DPY19L3: variants seen among roughly 807,000 people sequenced by gnomAD.
The protein encoded by DPY19L3 is dpy-19 like C-mannosyltransferase 3.
In DPY19L3, 51 loss-of-function variants were observed where a neutral mutation model predicts 92.3. The observed-to-expected ratio is 0.55, with a 90% CI of 0.44 to 0.70. The LOEUF (loss-of-function observed/expected upper bound fraction) is 0.70, where lower values mean the gene tolerates loss of function less well. Ranked by LOEUF, DPY19L3 falls within the 30% of genes least tolerant of loss-of-function variation. The pLI is 0.00. For missense variants in DPY19L3, 706 were observed against 855.9 expected (o/e 0.82, Z 2.18); for synonymous variants, 309 against 315.2 (o/e 0.98, Z 0.21).
Position 32,411,331 on chromosome 19 carries a change from GC to G in DPY19L3, c.198del (p.Thr67ArgfsTer48), listed in dbSNP as rs1968173785. 1 of 1,613,902 alleles carries G rather than the reference GC, an allele frequency of 6.2e-7. No individual in the cohort carries two copies. ...CIGLLTSVYLATLHENDLWFS... is the reference protein window; with the variant it reads ...CIGLLTSVYLXTLHENDLWFS... ...TGGACTTCTTACATCTGTCTACCTTGCCACGTTACATGAAAATGATTTATGG... is the reference window on the plus strand; with the variant it reads ...TGGACTTCTTACATCTGTCTACCTTGCACGTTACATGAAAATGATTTATGG... On this transcript the variant is annotated frameshift_variant, in exon 3 of 19. Coordinates refer to ENST00000392250, the MANE Select transcript of DPY19L3 (RefSeq NM_001172774.2). LOFTEE classifies it high-confidence loss of function.
chr19:32,420,041 G>A (rs1968515947), intron 3 of DPY19L3, among the ~76,000 whole-genome samples: 1 of 151,616 alleles, frequency 6.6e-6, no homozygotes, highest in African/African-American at 2.4e-5. Flanking sequence ...TGTATTTTTA[G>A]TGGAGACGGG....
intron 3 of DPY19L3, among the ~76,000 whole-genome samples, chr19:32,413,992 G>A (rs567904659): frequency 6.6e-6 from 1 of 152,112 alleles, no homozygotes; most frequent in African/African-American, 2.4e-5. Flanking sequence ...CCAAAATATT[G>A]GGATTATAGG....
At chr19:32,416,961 C>G (rs1383858175) in intron 3 of DPY19L3, among the ~76,000 whole-genome samples, 1 of 152,228 alleles carries the variant, frequency 6.6e-6, no homozygotes, top group Non-Finnish European at 1.5e-5. Flanking sequence ...CAGCCCCAAT[C>G]CTGAGTCATC....
intron 8 of DPY19L3, among the ~76,000 whole-genome samples, chr19:32,445,450 A>AAAAAAAAAAAAAAAAAC: frequency 6.7e-6 from 1 of 148,898 alleles, no homozygotes; most frequent in Non-Finnish European, 1.5e-5. Context: ...CAAAAAAAAA[A>AAAAAAAAAAAAAAAAAC]AAAAAAAAAA....
chr19:32,458,263 T>G (rs1318503727), intron 11 of DPY19L3, 88 bp from the exon 12 acceptor site: 1 of 1,577,518 alleles, frequency 6.3e-7, no homozygotes, highest in Non-Finnish European at 8.6e-7. Flanking sequence ...CTTCAACTAT[T>G]AATTGCAGAC....
At chr19:32,451,355 C>CT (rs1398531030) in intron 8 of DPY19L3, among the ~76,000 whole-genome samples, 1 of 152,114 alleles carries the variant, frequency 6.6e-6, no homozygotes, top group Non-Finnish European at 1.5e-5. Context: ...AAGAGCCCAC[C>CT]TATTGATTGC....
chr19:32,446,780 G>A (rs949107257), intron 8 of DPY19L3, among the ~76,000 whole-genome samples: 54 of 152,182 alleles, frequency 3.5e-4, no homozygotes, highest in African/African-American at 1.3e-3. Flanking sequence ...TGAGACTTCA[G>A]CACATCTCTC....
At chr19:32,441,794 A>C (rs981339807) in intron 8 of DPY19L3, among the ~76,000 whole-genome samples, 2 of 152,254 alleles carry the variant, frequency 1.3e-5, no homozygotes, top group Admixed American at 6.5e-5. Flanking sequence ...CACTGTGCCC[A>C]TCTGAACATG....
chr19:32,469,949 A>T (rs188071505), intron 16 of DPY19L3, among the ~76,000 whole-genome samples: 1 of 152,194 alleles, frequency 6.6e-6, no homozygotes, highest in African/African-American at 2.4e-5. Flanking sequence ...TTCTGAAAGC[A>T]TTGGCTGGAT....
chr19:32,469,492 T>C (rs1465065899), intron 16 of DPY19L3, among the ~76,000 whole-genome samples: 1 of 146,732 alleles, frequency 6.8e-6, no homozygotes, highest in African/African-American at 2.5e-5. Context: ...CAAGACTCTC[T>C]CTAAAAAAAA....
intron 6 of DPY19L3, among the ~76,000 whole-genome samples, chr19:32,438,571 A>G (rs1432268369): frequency 6.6e-6 from 1 of 152,292 alleles, no homozygotes; most frequent in Non-Finnish European, 1.5e-5. Flanking sequence ...ACACACGTAT[A>G]TTATGTGTTA....
chr19:32,462,696 C>T (rs1478039976), intron 12 of DPY19L3, among the ~76,000 whole-genome samples: 2 of 151,930 alleles, frequency 1.3e-5, no homozygotes, highest in African/African-American at 4.8e-5. Flanking sequence ...TTTTATAGAT[C>T]AAAAGATATT....
At chr19:32,439,360 CTT>C (rs1969252001) in intron 7 of DPY19L3, 125 bp downstream of exon 7, 9 of 1,036,300 alleles carry the variant, frequency 8.7e-6, no homozygotes, top group Non-Finnish European at 1.2e-5. Context: ...AATTTTTAAA[CTT>C]GAGTTAAATT....
chr19:32,449,029 C>G (rs1422467302), intron 8 of DPY19L3, among the ~76,000 whole-genome samples: 1 of 152,006 alleles, frequency 6.6e-6, no homozygotes, highest in East Asian at 1.9e-4. Context: ...CAAAAAACAC[C>G]CACAAATAAA....
rs1203237778 is a variant in DPY19L3 at position 32,411,376 on chromosome 19, T to C, written c.237+4T>C. On this transcript the variant is annotated splice_donor_region_variant and intron_variant, in intron 3 of 18. Coordinates refer to ENST00000392250, the MANE Select transcript of DPY19L3 (RefSeq NM_001172774.2). ...TTTATGGTTTTCTAATATTAAGGTA[T>C]GGAGTTTCTTTGACCATTGTATCAT... The C allele has an allele frequency of 6.2e-7, 1 of 1,614,078 alleles. No individual in the cohort carries two copies. The highest frequency in any genetic ancestry group is 8.5e-7 in the Non-Finnish European group (1 of 1,180,006).
intron 3 of DPY19L3, among the ~76,000 whole-genome samples, chr19:32,414,559 A>T (rs970476614): frequency 6.6e-6 from 1 of 151,746 alleles, no homozygotes; most frequent in African/African-American, 2.4e-5. Context: ...ATGCCACTGC[A>T]CTCCAGCCTG....
chr19:32,456,582 T>G (rs1365145991), intron 10 of DPY19L3, among the ~76,000 whole-genome samples: 1 of 151,346 alleles, frequency 6.6e-6, no homozygotes. Context: ...TACAGGTGTG[T>G]GCCACCGCCC....
chr19:32,439,115 A>G lies in DPY19L3; in HGVS notation c.600A>G (p.Ile200Met), dbSNP rs1969242110. The G allele has an allele frequency of 1.2e-6, 2 of 1,609,900 alleles. No homozygotes were observed. The highest frequency in any genetic ancestry group is 2.2e-5 in the South Asian group (2 of 90,694). ...LAAFWYVTNR[I>M]DTTRVEFTIP... ...ATTTGTGTTTTCTTTTGTGCAGAAT[A>G]GATACCACAAGAGTTGAGTTTACCA... The change falls in exon 7 of 19, where the codon ATA (isoleucine) becomes ATG (methionine). Residue 200 changes from isoleucine (I) to methionine (M), a missense_variant. Coordinates refer to ENST00000392250, the MANE Select transcript of DPY19L3 (RefSeq NM_001172774.2).
At chr19:32,460,472 A>G (rs1451186465) in intron 12 of DPY19L3, among the ~76,000 whole-genome samples, 1 of 152,206 alleles carries the variant, frequency 6.6e-6, no homozygotes, top group Non-Finnish European at 1.5e-5. Context: ...GGCAGTTTTC[A>G]TAAATGGAGC....
Sources: gnomAD v4.1 joint callset for allele counts (sites outside exome capture counted in the v4.1 genomes callset) on GRCh38, gnomAD v4.1.1 for gene constraint, MANE v1.5 for transcripts, NCBI Gene and HGNC (gene_info 2026-07-23, HGNC 2026-07-21) for gene names.